MARCHF1: variants seen among roughly 807,000 people sequenced by gnomAD.
The protein encoded by MARCHF1 is membrane associated ring-CH-type finger 1, also known as E3 ubiquitin-protein ligase MARCHF1.
MARCHF1 carries 40 observed loss-of-function variants against 54.2 expected under a neutral mutation model. The ratio of observed to expected loss-of-function variants is 0.74; its 90% CI spans 0.57 to 0.96. The LOEUF (loss-of-function observed/expected upper bound fraction) is 0.96, where lower values mean the gene tolerates loss of function less well. Among genes scored for constraint, MARCHF1 ranks in the 40% least tolerant of loss-of-function variants. The pLI, the probability that MARCHF1 is intolerant of heterozygous loss-of-function variation, is 0.00. For missense variants in MARCHF1, 586 were observed against 656.5 expected (o/e 0.89, Z 1.17); for synonymous variants, 236 against 236.3 (o/e 1.00, Z 0.01).
At chr4:163,524,581 C>T (rs1277592518), downstream of MARCHF1, 2 of 152,194 alleles carry the variant, frequency 1.3e-5, no homozygotes, top group Middle Eastern at 3.4e-3. Flanking sequence ...TGTACCATGT[C>T]ATGAGTTAGT....
intron 1 of MARCHF1, among the ~76,000 whole-genome samples, chr4:164,147,698 G>A (rs1225844905): frequency 3.9e-4 from 54 of 139,438 alleles, no homozygotes; most frequent in African/African-American, 1.3e-3. Flanking sequence ...GGGAGGGATA[G>A]CATTGGGAGA....
intron 1 of MARCHF1, among the ~76,000 whole-genome samples, chr4:164,210,861 A>C (rs759291970): frequency 6.6e-6 from 1 of 152,146 alleles, no homozygotes; most frequent in Non-Finnish European, 1.5e-5. Flanking sequence ...TTATAAAGAA[A>C]ACTATTCTGC....
At chr4:164,336,993 GAAGA>G (rs1223037340) in intron 1 of MARCHF1, among the ~76,000 whole-genome samples, 2 of 152,040 alleles carry the variant, frequency 1.3e-5, no homozygotes, top group Admixed American at 6.6e-5. Context: ...AGAAAGGAAG[GAAGA>G]GAGGAGGGAA....
At chr4:164,091,697 G>A (rs930890104) in intron 2 of MARCHF1, among the ~76,000 whole-genome samples, 1 of 151,840 alleles carries the variant, frequency 6.6e-6, no homozygotes, top group Non-Finnish European at 1.5e-5. Flanking sequence ...ATGCTCAAAA[G>A]GCAATTGTAA....
intron 3 of MARCHF1, among the ~76,000 whole-genome samples, chr4:163,967,464 C>A (rs1468738952): frequency 1.3e-5 from 2 of 152,130 alleles, no homozygotes; most frequent in Admixed American, 6.5e-5. Context: ...ATAACTAGCC[C>A]AGTCAAAACA....
chr4:163,546,489 A>G lies in MARCHF1; in HGVS notation c.1192-746T>C, dbSNP rs143067393. Among the ~76,000 whole-genome samples the G allele has an allele frequency of 8.9e-4, 136 of 152,328 alleles. No homozygotes were observed. The East Asian group carries it at 0.017, about 19-fold the overall frequency. ...GTTATACGTAGTAATAGGTAACACT[A>G]TCTTCTTGGATTATCACACAACTGG... On this transcript the variant is annotated intron_variant, in intron 8 of 9. Coordinates refer to ENST00000514618, the MANE Select transcript of MARCHF1 (RefSeq NM_001394959.1).
chr4:163,771,678 T>C (rs927060204), intron 4 of MARCHF1, among the ~76,000 whole-genome samples: 2 of 152,212 alleles, frequency 1.3e-5, no homozygotes, highest in African/African-American at 4.8e-5. Flanking sequence ...ACATGAATTT[T>C]AGGAAGACAC....
chr4:164,117,831 TG>T (rs1176184010), intron 1 of MARCHF1, among the ~76,000 whole-genome samples: 1 of 151,432 alleles, frequency 6.6e-6, no homozygotes, highest in Non-Finnish European at 1.5e-5. Flanking sequence ...ACCTGGGAGG[TG>T]GAGGTTGCAG....
At chr4:164,261,275 G>T (rs1236136665) in intron 1 of MARCHF1, among the ~76,000 whole-genome samples, 1 of 152,020 alleles carries the variant, frequency 6.6e-6, no homozygotes, top group African/African-American at 2.4e-5. Context: ...TATTACAGGA[G>T]CCCTAGGAAA....
intron 2 of MARCHF1, among the ~76,000 whole-genome samples, chr4:164,019,694 G>A (rs987718904): frequency 1.3e-5 from 2 of 152,164 alleles, no homozygotes. Context: ...TGACAATTCT[G>A]GAGAGTTTAC....
chr4:163,821,317 A>G (rs1182817079), intron 4 of MARCHF1, among the ~76,000 whole-genome samples: 1 of 151,942 alleles, frequency 6.6e-6, no homozygotes, highest in Non-Finnish European at 1.5e-5. Context: ...TGCAATTTCA[A>G]TTTTATACTT....
intron 1 of MARCHF1, among the ~76,000 whole-genome samples, chr4:164,230,563 A>AT (rs1732388766): frequency 6.6e-6 from 1 of 151,944 alleles, no homozygotes; most frequent in Non-Finnish European, 1.5e-5. Flanking sequence ...TTTACTAGCT[A>AT]TTTTTACATA....
intron 3 of MARCHF1, among the ~76,000 whole-genome samples, chr4:163,875,026 T>C (rs185915619): frequency 2.0e-5 from 3 of 152,336 alleles, no homozygotes; most frequent in Admixed American, 2.0e-4. Flanking sequence ...ATGAAATTTC[T>C]GAATCTCTGA....
chr4:163,720,649 C>T (rs1051839240), intron 4 of MARCHF1, among the ~76,000 whole-genome samples: 4 of 152,178 alleles, frequency 2.6e-5, no homozygotes, highest in Non-Finnish European at 5.9e-5. Context: ...ATTGATTCTT[C>T]CTATCCATGA....
At chr4:163,998,850 T>C (rs553711350) in intron 2 of MARCHF1, among the ~76,000 whole-genome samples, 2 of 151,892 alleles carry the variant, frequency 1.3e-5, no homozygotes, top group Admixed American at 1.3e-4. Context: ...TCTTTATTCA[T>C]CCACTGATGG....
At chr4:163,611,873 T>G (rs1386087354) in intron 7 of MARCHF1, among the ~76,000 whole-genome samples, 5 of 152,074 alleles carry the variant, frequency 3.3e-5, no homozygotes, top group Non-Finnish European at 7.4e-5. Context: ...AAATCTGACC[T>G]TAAAGAACTC....
chr4:164,207,386 G>A (rs1195836950), intron 1 of MARCHF1, among the ~76,000 whole-genome samples: 1 of 152,068 alleles, frequency 6.6e-6, no homozygotes, highest in African/African-American at 2.4e-5. Context: ...TGTGTTACAG[G>A]CACCGGCAGT....
chr4:163,769,071 T>C (rs1747075493), intron 4 of MARCHF1, among the ~76,000 whole-genome samples: 1 of 152,204 alleles, frequency 6.6e-6, no homozygotes, highest in South Asian at 2.1e-4. Context: ...GAGAGGTCTC[T>C]GCTGTGCTTT....
chr4:163,660,235 G>A (rs1392630540), intron 5 of MARCHF1, among the ~76,000 whole-genome samples: 1 of 152,042 alleles, frequency 6.6e-6, no homozygotes, highest in Non-Finnish European at 1.5e-5. Flanking sequence ...AAAAAATAAT[G>A]AGTTCAAGTC....
Sources: gnomAD v4.1 joint callset for allele counts (sites outside exome capture counted in the v4.1 genomes callset) on GRCh38, gnomAD v4.1.1 for gene constraint, MANE v1.5 for transcripts, NCBI Gene and HGNC (gene_info 2026-07-23, HGNC 2026-07-21) for gene names.